The following MGLL variants were observed in gnomAD, a reference collection of about 807,000 sequenced individuals.
MGLL encodes lysophospholipase homolog.
A neutral mutation model predicts 29.1 loss-of-function variants in MGLL; 7 were observed. That is an observed-to-expected ratio of 0.24 (90% CI 0.14 to 0.45). The LOEUF (loss-of-function observed/expected upper bound fraction) is 0.45. Among genes scored for constraint, MGLL ranks in the 20% least tolerant of loss-of-function variants. The pLI is 0.99. For synonymous variants in MGLL, 148 were observed against 168.3 expected (o/e 0.88, Z 0.93); for missense variants, 356 against 413.6 (o/e 0.86, Z 1.21).
At chr3:127,764,435 G>T (rs1006846930) in intron 3 of MGLL, among the ~76,000 whole-genome samples, 1 of 152,158 alleles carries the variant, frequency 6.6e-6, no homozygotes, top group African/African-American at 2.4e-5. Flanking sequence ...TACTTGTGGT[G>T]CAGAATAAAA....
chr3:127,747,336 G>A (rs2076467057), intron 3 of MGLL, among the ~76,000 whole-genome samples: 1 of 152,082 alleles, frequency 6.6e-6, no homozygotes, highest in African/African-American at 2.4e-5. Context: ...TGCGTGTCTT[G>A]TCTCTCCCCT....
intron 6 of MGLL, among the ~76,000 whole-genome samples, chr3:127,703,889 A>G (rs757297536): frequency 6.6e-6 from 1 of 152,242 alleles, no homozygotes; most frequent in Non-Finnish European, 1.5e-5. Context: ...AAACAACCCA[A>G]TTAGGAAATG....
At chr3:127,718,790 T>G (rs2075864456) in intron 5 of MGLL, among the ~76,000 whole-genome samples, 1 of 152,142 alleles carries the variant, frequency 6.6e-6, no homozygotes, top group African/African-American at 2.4e-5. Context: ...GCATCCTCCT[T>G]CATATCTTTT....
chr3:127,744,590 C>T (rs2076406203), intron 3 of MGLL, among the ~76,000 whole-genome samples: 1 of 152,200 alleles, frequency 6.6e-6, no homozygotes, highest in African/African-American at 2.4e-5. Flanking sequence ...AAATAAGTGA[C>T]AGCTGCAGAG....
At chr3:127,765,727 G>A (rs983263690) in intron 3 of MGLL, among the ~76,000 whole-genome samples, 3 of 152,266 alleles carry the variant, frequency 2.0e-5, no homozygotes, top group Non-Finnish European at 2.9e-5. Context: ...GAAGGCTGAT[G>A]AAGAAGAGTG....
intron 3 of MGLL, among the ~76,000 whole-genome samples, chr3:127,726,192 A>AGAAGGAAGGAAAG (rs1327339060): frequency 1.0e-5 from 1 of 95,296 alleles, no homozygotes; most frequent in African/African-American, 3.6e-5. Flanking sequence ...AAGAAAAGAA[A>AGAAGGAAGGAAAG]AGAAAGAAAG....
chr3:127,750,294 T>C (rs761468537), intron 3 of MGLL, among the ~76,000 whole-genome samples: 52 of 152,132 alleles, frequency 3.4e-4, no homozygotes, highest in Admixed American at 6.5e-5. Context: ...AAAGGTGGTC[T>C]GGGACACTGG....
rs928326747 is a variant in MGLL, at chr3:127,689,988, A to G, written c.*2210T>C. The G allele has an allele frequency of 6.6e-6, 1 of 152,198 alleles. No individual in the cohort carries two copies. 9.4% of individuals were successfully genotyped at this position (152,198 alleles called of 1,614,324 possible). On this transcript the variant is annotated 3_prime_UTR_variant, in exon 8 of 8. Coordinates refer to ENST00000265052, the MANE Select transcript of MGLL (RefSeq NM_007283.7). The stretch of plus-strand genomic sequence containing the variant: ...TGTGTGTGTCTCTGTGAGAGCCTTC[A>G]TATAAATAAATTCATGCATCTAAAG...
chr3:127,769,245 G>A (rs1382168687), intron 3 of MGLL, among the ~76,000 whole-genome samples: 4 of 152,086 alleles, frequency 2.6e-5, no homozygotes, highest in African/African-American at 9.7e-5. Context: ...CAGCTACTCA[G>A]GAGGCTGAGG....
chr3:127,803,751 T>C (rs2077518597), intron 2 of MGLL, among the ~76,000 whole-genome samples: 1 of 152,184 alleles, frequency 6.6e-6, no homozygotes, highest in Non-Finnish European at 1.5e-5. Flanking sequence ...AAGTTTGATG[T>C]CACAGCATGA....
At chr3:127,794,076 G>A (rs1046425757) in intron 2 of MGLL, among the ~76,000 whole-genome samples, 5 of 152,210 alleles carry the variant, frequency 3.3e-5, no homozygotes, top group East Asian at 1.9e-4. Flanking sequence ...CCAGGAGGCC[G>A]AGGTGGGCAG....
intron 3 of MGLL, among the ~76,000 whole-genome samples, chr3:127,751,665 C>T (rs746283042): frequency 2.0e-5 from 3 of 151,724 alleles, no homozygotes; most frequent in South Asian, 2.1e-4. Context: ...TGTCTGAAGC[C>T]GGTAAGTTTT....
At chr3:127,806,062 G>A (rs1349085909) in intron 2 of MGLL, among the ~76,000 whole-genome samples, 1 of 152,262 alleles carries the variant, frequency 6.6e-6, no homozygotes, top group Non-Finnish European at 1.5e-5. Flanking sequence ...GATAGAGCCT[G>A]ACAATGCCCA....
chr3:127,738,331 T>C (rs1440654281), intron 3 of MGLL, among the ~76,000 whole-genome samples: 2 of 151,234 alleles, frequency 1.3e-5, no homozygotes, highest in Admixed American at 6.6e-5. Context: ...GTGTTCTTGG[T>C]TCCTGGAAGC....
chr3:127,784,737 T>A (rs1479991653), intron 2 of MGLL, among the ~76,000 whole-genome samples: 1 of 152,146 alleles, frequency 6.6e-6, no homozygotes, highest in Non-Finnish European at 1.5e-5. Context: ...TTCTCCTTAG[T>A]GTCTGGATTC....
Position 127,710,659 on chromosome 3 carries a change from C to T in MGLL, c.517G>A (p.Ala173Thr). Reference sequence around the variant, plus strand: ...AGCACAAGGTTGAGCACTTTCGCAGCAAGGACCTAGCCGGGGAGGGAAAAC... The same window carrying T: ...AGCACAAGGTTGAGCACTTTCGCAGTAAGGACCTAGCCGGGGAGGGAAAAC... ...PESATTFKVL[A>T]AKVLNLVLPN... Residue 173 changes from alanine to threonine, a missense_variant, in exon 6 of 8, where the codon GCT (alanine) becomes ACT (threonine). Coordinates refer to ENST00000265052, the MANE Select transcript of MGLL (RefSeq NM_007283.7). 1.9e-6 allele frequency: 3 copies of T among 1,568,678 alleles called. No individual in the cohort carries two copies. The highest frequency in any genetic ancestry group is 2.6e-6 in the Non-Finnish European group (3 of 1,155,860).
intron 3 of MGLL, among the ~76,000 whole-genome samples, chr3:127,740,576 G>A (rs2076322025): frequency 6.6e-6 from 1 of 152,204 alleles, no homozygotes; most frequent in African/African-American, 2.4e-5. Context: ...GGGGCCCTGA[G>A]GTTCCAGTTC....
At chr3:127,781,590 G>A (rs1449399815) in intron 3 of MGLL, among the ~76,000 whole-genome samples, 199 bp downstream of exon 3, 1 of 152,188 alleles carries the variant, frequency 6.6e-6, no homozygotes, top group African/African-American at 2.4e-5. Context: ...TTTCTAATCA[G>A]CCTGCATTCA....
At chr3:127,771,925 A>T (rs567696162) in intron 3 of MGLL, among the ~76,000 whole-genome samples, 2 of 151,906 alleles carry the variant, frequency 1.3e-5, no homozygotes, top group South Asian at 2.1e-4. Flanking sequence ...CTTGGCAAGG[A>T]CTCCTCCTGG....
Sources: allele counts gnomAD v4.1 joint callset (sites outside exome capture counted in the v4.1 genomes callset), GRCh38; gene constraint gnomAD v4.1.1; transcripts MANE v1.5; gene names NCBI Gene and HGNC (gene_info 2026-07-23, HGNC 2026-07-21).